PTPRM: variants seen among roughly 807,000 people sequenced by gnomAD.
PTPRM encodes protein tyrosine phosphatase receptor type M.
In PTPRM, 47 loss-of-function variants were observed where a neutral mutation model predicts 186.7. The observed-to-expected ratio is 0.25, with a 90% CI of 0.20 to 0.32. The LOEUF (loss-of-function observed/expected upper bound fraction) is 0.32, where lower values mean the gene tolerates loss of function less well. Among genes scored for constraint, PTPRM ranks in the 10% least tolerant of loss-of-function variants. PTPRM has a pLI of 1.00. For synonymous variants in PTPRM, 668 were observed against 674.9 expected, an observed-to-expected ratio of 0.99 and a Z score of 0.16; for missense variants, 1,494 against 1,865.0, an observed-to-expected ratio of 0.80 and a Z score of 3.66.
At chr18:8,145,480 A>G (rs892649349) in intron 14 of PTPRM, among the ~76,000 whole-genome samples, 3 of 151,828 alleles carry the variant, frequency 2.0e-5, no homozygotes, top group African/African-American at 4.8e-5. Context: ...TTACCGCCCT[A>G]CCCCCTGACA....
intron 14 of PTPRM, among the ~76,000 whole-genome samples, chr18:8,147,073 T>C (rs2092904218): frequency 6.6e-6 from 1 of 152,192 alleles, no homozygotes; most frequent in South Asian, 2.1e-4. Flanking sequence ...TAGTTTGAAG[T>C]CAGGTAGCAT....
At chr18:7,669,754 C>T (rs1196513692) in intron 1 of PTPRM, among the ~76,000 whole-genome samples, 3 of 152,050 alleles carry the variant, frequency 2.0e-5, no homozygotes, top group Non-Finnish European at 2.9e-5. Flanking sequence ...CGGAGTTTTG[C>T]TCTTGTTGCC....
chr18:8,091,075 C>T (rs180700907), intron 11 of PTPRM, among the ~76,000 whole-genome samples: 7 of 152,166 alleles, frequency 4.6e-5, no homozygotes, highest in South Asian at 2.1e-4. Flanking sequence ...AGTTGTTTTT[C>T]GGAGACTTTG....
At chr18:7,821,465 GGT>G (rs1416332870) in intron 2 of PTPRM, among the ~76,000 whole-genome samples, 1 of 151,910 alleles carries the variant, frequency 6.6e-6, no homozygotes, top group Non-Finnish European at 1.5e-5. Context: ...GATGGAATAT[GGT>G]AGTTTCCTCT....
At chr18:8,389,545 G>A (rs934566031) in intron 31 of PTPRM, among the ~76,000 whole-genome samples, 1 of 152,146 alleles carries the variant, frequency 6.6e-6, no homozygotes, top group Non-Finnish European at 1.5e-5. Flanking sequence ...TCCACTGAGA[G>A]AACCTTGATT....
At chr18:8,134,554 G>A (rs1180061013) in intron 13 of PTPRM, among the ~76,000 whole-genome samples, 1 of 152,000 alleles carries the variant, frequency 6.6e-6, no homozygotes, top group African/African-American at 2.4e-5. Context: ...ATGATGACTA[G>A]TATATCATGC....
At chr18:7,674,194 A>C (rs2039282258) in intron 1 of PTPRM, among the ~76,000 whole-genome samples, 1 of 152,204 alleles carries the variant, frequency 6.6e-6, no homozygotes, top group African/African-American at 2.4e-5. Context: ...GGTGGGTCCC[A>C]CTCAGAAGGA....
chr18:7,870,843 C>T (rs2047947520), intron 2 of PTPRM, among the ~76,000 whole-genome samples: 2 of 152,196 alleles, frequency 1.3e-5, no homozygotes, highest in African/African-American at 4.8e-5. Context: ...GAGATGTTGT[C>T]TAAAACACTT....
intron 1 of PTPRM, among the ~76,000 whole-genome samples, chr18:7,571,042 G>A (rs1194509864): frequency 2.0e-5 from 3 of 151,314 alleles, no homozygotes; most frequent in Admixed American, 6.6e-5. Flanking sequence ...GGGTTCGAGC[G>A]ATTCTCCTGC....
intron 20 of PTPRM, among the ~76,000 whole-genome samples, chr18:8,313,088 G>A (rs1388435163): frequency 2.0e-5 from 3 of 152,176 alleles, no homozygotes; most frequent in Non-Finnish European, 4.4e-5. Flanking sequence ...AGTGACTGAG[G>A]ATAAAAGGGT....
chr18:7,987,907 A>G (rs2083049362), intron 7 of PTPRM, among the ~76,000 whole-genome samples: 1 of 151,832 alleles, frequency 6.6e-6, no homozygotes, highest in African/African-American at 2.4e-5. Flanking sequence ...TAGCAGGCAC[A>G]GTGGCTCATG....
At chr18:8,106,844 G>A (rs1242207261) in intron 11 of PTPRM, among the ~76,000 whole-genome samples, 2 of 152,170 alleles carry the variant, frequency 1.3e-5, no homozygotes, top group Non-Finnish European at 2.9e-5. Flanking sequence ...ACCTGTGGAC[G>A]GTGATTCCCA....
intron 14 of PTPRM, among the ~76,000 whole-genome samples, chr18:8,239,645 C>T (rs1351677958): frequency 6.6e-6 from 1 of 152,170 alleles, no homozygotes; most frequent in Non-Finnish European, 1.5e-5. Context: ...TTGTGATTCT[C>T]TGTATTTACC....
In PTPRM at chr18:8,406,277, T is replaced by A; in HGVS notation, c.*115T>A. 2 of 1,041,550 alleles carry A rather than the reference T, an allele frequency of 1.9e-6. No individual in the cohort carries two copies. Among genetic ancestry groups the A allele is most frequent in the Non-Finnish European group, 1.4e-6 (1 of 704,084 alleles). The allele number at this position is 1,041,550 out of a possible 1,614,324, so 64.5% of individuals were successfully genotyped here. ...ATATGCTTATTTTGCTTTGCATAAT[T>A]GGCTCTTTTTAAGAGCCCAAGAAAG... On this transcript the variant is annotated 3_prime_UTR_variant, in exon 33 of 33. Transcript: ENST00000580170.
chr18:8,206,289 C>G (rs1411510355), intron 14 of PTPRM, among the ~76,000 whole-genome samples: 1 of 114,388 alleles, frequency 8.7e-6, no homozygotes, highest in Non-Finnish European at 1.7e-5. Context: ...GAGTCTTGCA[C>G]TGTCGCCCAG....
At chr18:8,273,827 A>T (rs1281155469) in intron 19 of PTPRM, among the ~76,000 whole-genome samples, 3 of 152,234 alleles carry the variant, frequency 2.0e-5, no homozygotes, top group African/African-American at 7.2e-5. Context: ...TCGCCAAACA[A>T]TTCAGAACTG....
At chr18:8,306,801 T>C (rs2095226873) in intron 20 of PTPRM, among the ~76,000 whole-genome samples, 1 of 152,230 alleles carries the variant, frequency 6.6e-6, no homozygotes, top group South Asian at 2.1e-4. Flanking sequence ...CTTTGGATTC[T>C]TTGTCTGAGT....
chr18:7,622,255 T>C (rs557494885), intron 1 of PTPRM, among the ~76,000 whole-genome samples: 1 of 152,318 alleles, frequency 6.6e-6, no homozygotes, highest in East Asian at 1.9e-4. Flanking sequence ...TCTTTTTTTT[T>C]GGTTTAAGAA....
chr18:8,157,567 A>G (rs1402932956), intron 14 of PTPRM, among the ~76,000 whole-genome samples: 1 of 152,226 alleles, frequency 6.6e-6, no homozygotes, highest in Non-Finnish European at 1.5e-5. Flanking sequence ...CCTTAAGGCC[A>G]TGCCTTGGTG....
Sources: gnomAD v4.1 joint callset for allele counts (sites outside exome capture counted in the v4.1 genomes callset) on GRCh38, gnomAD v4.1.1 for gene constraint, MANE v1.5 for transcripts, NCBI Gene and HGNC (gene_info 2026-07-23, HGNC 2026-07-21) for gene names.